REEP4: variants seen among roughly 807,000 people sequenced by gnomAD.
REEP4 encodes the protein receptor accessory protein 4.
A neutral mutation model predicts 33.5 loss-of-function variants in REEP4; 17 were observed. The ratio of observed to expected loss-of-function variants is 0.51; its 90% confidence interval spans 0.35 to 0.76. The LOEUF (loss-of-function observed/expected upper bound fraction) is 0.76. REEP4 is among the 30% of genes least tolerant of loss of function. The pLI is 0.01. For missense variants in REEP4, 340 were observed against 357.9 expected (o/e 0.95, Z 0.40); for synonymous variants, 157 against 142.9 (o/e 1.10, Z -0.70).
intron 2 of REEP4, 132 bp from the exon 3 acceptor site, chr8:22,140,380 G>A (rs1043107038): frequency 1.6e-5 from 16 of 972,616 alleles, no homozygotes; most frequent in Non-Finnish European, 2.6e-5. Flanking sequence ...GGCTGGACAG[G>A]AGCTCTGAGA....
rs200623752 is a variant in REEP4, at chr8:22,140,163, C to G, written c.182+9G>C. 1 of 1,613,848 alleles carries G rather than the reference C, an allele frequency of 6.2e-7. No homozygotes were observed. The highest frequency in any genetic ancestry group is 2.2e-5 in the East Asian group (1 of 44,896). On this transcript the variant is annotated intron_variant, in intron 3 of 7. Coordinates refer to ENST00000306306, the MANE Select transcript of REEP4 (RefSeq NM_025232.4). ...CCTGACCCATGGCTTGCGGACCCTG[C>G]GTCCATACCAGGAGATAAAAATGTC...
intron 2 of REEP4, 24 bp from the exon 3 acceptor site, chr8:22,140,272 C>A: frequency 6.2e-7 from 1 of 1,612,256 alleles, no homozygotes; most frequent in South Asian, 1.1e-5. Flanking sequence ...GCCCAGAGGT[C>A]AGCATGGGGC....
At chr8:22,138,827 C>A in intron 6 of REEP4, 34 bp from the exon 7 acceptor site, 2 of 1,573,184 alleles carry the variant, frequency 1.3e-6, no homozygotes, top group South Asian at 1.2e-5. Context: ...TGAAAGCCTG[C>A]GACCAGGCCA....
At chr8:22,139,583 T>C in intron 4 of REEP4, 54 bp from the exon 5 acceptor site, 2 of 1,396,496 alleles carry the variant, frequency 1.4e-6, no homozygotes. Flanking sequence ...TCCCTCTTCC[T>C]CTGCAGATTC....
chr8:22,138,648 C>G lies in REEP4; in HGVS notation c.699G>C (p.Pro233=). Residue 233 remains proline, a synonymous_variant, in exon 7 of 8, where the codon CCG becomes CCC. Transcript: ENST00000306306. ...GTCCTCCCACACTGACCTCCCGCAC[C>G]GGTGGCTTCCTCTTGACCACACGCA... is the stretch of plus-strand genomic sequence containing the variant. The part of the protein sequence containing the change: ...QSLRVVKRKP[P]VREGTSRSLK... The G allele has an allele frequency of 6.2e-7, 1 of 1,613,918 alleles. No homozygotes were observed. Among genetic ancestry groups the G allele is most frequent in the Non-Finnish European group, 8.5e-7 (1 of 1,180,030 alleles).
chr8:22,138,735 A>G lies in REEP4; in HGVS notation c.612T>C (p.Thr204=). The G allele has an allele frequency of 3.7e-6, 6 of 1,613,036 alleles. No homozygotes were observed. The highest frequency in any genetic ancestry group is 5.1e-6 in the Non-Finnish European group (6 of 1,179,764). Residue 204 remains threonine, a synonymous_variant, in exon 7 of 8, where the codon ACT becomes ACC. Coordinates refer to ENST00000306306, the MANE Select transcript of REEP4 (RefSeq NM_025232.4). ...SDTEDECWSD[T]EAVPRAPARP... Reference sequence around the variant, plus strand: ...GGGCTGGCGCCCGGGGGACTGCCTCAGTATCTGACCAACACTCATCCTCGG... The same window carrying G: ...GGGCTGGCGCCCGGGGGACTGCCTCGGTATCTGACCAACACTCATCCTCGG...
In REEP4 at chr8:22,141,600, T is replaced by G. The variant is rs1827233165; in HGVS notation, c.-118A>C. 1.8e-6 allele frequency: 2 copies of G among 1,099,048 alleles called. No homozygotes were observed. The highest frequency in any genetic ancestry group is 3.3e-5 in the African/African-American group (2 of 61,450). 68.1% of individuals were successfully genotyped at this position (1,099,048 alleles called of 1,614,324 possible). ...GCGGGAAGCAGAGGGGCGATCCGGC[T>G]GTCCCTCGGCGGAGGCAGAGCCCGC... On this transcript the variant is annotated 5_prime_UTR_variant, in exon 1 of 8. Coordinates refer to ENST00000306306, the MANE Select transcript of REEP4 (RefSeq NM_025232.4).
At chr8:22,140,292 C>CA (rs770498055) in intron 2 of REEP4, 44 bp from the exon 3 acceptor site, 1 of 1,595,886 alleles carries the variant, frequency 6.3e-7, no homozygotes, top group Non-Finnish European at 8.6e-7. Flanking sequence ...CCTGCAGCAC[C>CA]AACTCCCAAC....
Position 22,138,552 on chromosome 8 carries a change from C to T in REEP4, c.709G>A (p.Gly237Ser), listed in dbSNP as rs749429080. The T allele has an allele frequency of 1.2e-6, 2 of 1,613,814 alleles. No individual in the cohort carries two copies. Among genetic ancestry groups the T allele is most frequent in the South Asian group, 1.1e-5 (1 of 91,090 alleles). Reference sequence around the variant, plus strand: ...CGAACCTTCAGGGAGCGCGAGGTGCCCTGGGGAAAGGGGAGGCACAGCATG... The same window carrying T: ...CGAACCTTCAGGGAGCGCGAGGTGCTCTGGGGAAAGGGGAGGCACAGCATG... ...VVKRKPPVRE[G>S]TSRSLKVRTR... is the part of the protein sequence containing the mutation. The change falls in exon 8 of 8, where the codon GGC becomes AGC. Residue 237 changes from glycine (G) to serine (S), a missense_variant and splice_region_variant. By Grantham distance (56) the Gly-to-Ser change is moderately conservative. Transcript: ENST00000306306.
At position 22,139,495 on chromosome 8, in the gene REEP4, C is replaced by T. The variant is rs183787695; in HGVS notation, c.338G>A (p.Arg113His). The T allele has an allele frequency of 2.8e-5, 45 of 1,610,678 alleles. No individual in the cohort carries two copies. The Admixed American group carries it at 4.2e-4, about 15-fold the overall frequency. ...IDAYIVQAKE[R>H]SYETVLSFGK... is the part of the protein sequence containing the mutation. ...GAAGCTGAGCACGGTCTCGTAGCTG[C>T]GCTCCTTGGCCTGCACGATGTACGC... is the stretch of plus-strand genomic sequence containing the variant. The change falls in exon 5 of 8, where the codon CGC becomes CAC. Residue 113 changes from arginine to histidine, a missense_variant. Transcript: ENST00000306306.
chr8:22,141,560 G>C lies in REEP4; in HGVS notation c.-78C>G. The C allele has an allele frequency of 6.7e-7, 1 of 1,492,684 alleles. No homozygotes were observed. The highest frequency in any genetic ancestry group is 1.3e-5 in the South Asian group (1 of 78,400). The allele number at this position is 1,492,684 out of a possible 1,614,324, so 92.5% of individuals were successfully genotyped here. A position where few individuals can be genotyped will look rare whatever the true frequency, so the allele number is the denominator to read the frequency against. ...GTTCACTCAAGGGCTGGGACGGGGGGTGATCAGGGCAGTTGCGGGAAGCAG... is the reference window on the plus strand; with the variant it reads ...GTTCACTCAAGGGCTGGGACGGGGGCTGATCAGGGCAGTTGCGGGAAGCAG... On this transcript the variant is annotated 5_prime_UTR_variant, in exon 1 of 8. Coordinates refer to ENST00000306306, the MANE Select transcript of REEP4 (RefSeq NM_025232.4).
In REEP4 at chr8:22,139,046, C is replaced by A. The variant is rs1309850829; in HGVS notation, c.433G>T (p.Ala145Ser). 1 of 1,573,782 alleles carries A rather than the reference C, an allele frequency of 6.4e-7. No homozygotes were observed. The highest frequency in any genetic ancestry group is 1.4e-5 in the African/African-American group (1 of 73,812). Residue 145 changes from alanine (A) to serine (S), a missense_variant, in exon 6 of 8, where the codon GCC (alanine) becomes TCC (serine). Coordinates refer to ENST00000306306, the MANE Select transcript of REEP4 (RefSeq NM_025232.4). ...QAATKSQGAL[A>S]GRLRSFSMQD... ...ATGGAGAAGCTCCGCAGCCTGCCGG[C>A]CAGCGCCCCCTGACTCTGCGAGGGG... is the stretch of plus-strand genomic sequence containing the variant.
intron 5 of REEP4, 92 bp from the exon 6 acceptor site, chr8:22,139,153 G>A (rs985400604): frequency 2.7e-6 from 4 of 1,489,968 alleles, no homozygotes; most frequent in Non-Finnish European, 3.6e-6. Context: ...AGTGAAAACT[G>A]CTCAGCAAGC....
chr8:22,139,580 TC>T, intron 4 of REEP4, 51 bp from the exon 5 acceptor site: 1 of 1,422,908 alleles, frequency 7.0e-7, no homozygotes, highest in Non-Finnish European at 9.7e-7. Flanking sequence ...GAGTCCCTCT[TC>T]CTCTGCAGAT....
At position 22,138,983 on chromosome 8, in the gene REEP4, C is replaced by T; in HGVS notation, c.496G>A (p.Ala166Thr). The T allele has an allele frequency of 6.2e-7, 1 of 1,608,746 alleles. No individual in the cohort carries two copies. The highest frequency in any genetic ancestry group is 8.5e-7 in the Non-Finnish European group (1 of 1,177,906). The change falls in exon 6 of 8, where the codon GCC becomes ACC. Residue 166 changes from alanine to threonine, a missense_variant. Coordinates refer to ENST00000306306, the MANE Select transcript of REEP4 (RefSeq NM_025232.4). ...LRSISDAPAP[A>T]YHDPLYLEDQ... ...TCCAGGTAGAGGGGGTCATGGTAGG[C>T]AGGGGCAGGTGCGTCAGAGATGGAG...
intron 1 of REEP4, among the ~76,000 whole-genome samples, chr8:22,141,224 T>C (rs1214446565): frequency 6.6e-6 from 1 of 152,234 alleles, no homozygotes; most frequent in Non-Finnish European, 1.5e-5. Context: ...GTTTGCAGTG[T>C]GTGTGGCGTG....
intron 6 of REEP4, 22 bp from the exon 7 acceptor site, chr8:22,138,815 G>A: frequency 1.3e-6 from 2 of 1,579,534 alleles, no homozygotes; most frequent in Non-Finnish European, 1.7e-6. Context: ...AGGAGGTGAA[G>A]CTGAAAGCCT....
In REEP4 at chr8:22,139,077, G is replaced by C; in HGVS notation, c.418-16C>G. ...CCCCCTGACTCTGCGAGGGGGAAGA[G>C]GCTTCAGCGGGGAGGCTGCCCAGGG... On this transcript the variant is annotated splice_polypyrimidine_tract_variant and intron_variant, in intron 5 of 7. Transcript: ENST00000306306. 1 of 1,562,808 alleles carries C rather than the reference G, an allele frequency of 6.4e-7. No homozygotes were observed. The highest frequency in any genetic ancestry group is 8.7e-7 in the Non-Finnish European group (1 of 1,155,068).
rs769817363 is a variant in REEP4 at position 22,140,619 on chromosome 8, G to A, written c.105+6C>T. 10 of 1,612,626 alleles carry A rather than the reference G, an allele frequency of 6.2e-6. 1 individual carries two copies. In the South Asian group the frequency reaches 6.6e-5, roughly 11 times the overall value. ...CTATTAAACACACCCAAACCCCCAC[G>A]CTCACATATTCACGAATGTTCTTGG... On this transcript the variant is annotated splice_donor_region_variant and intron_variant, in intron 2 of 7. Transcript: ENST00000306306.
Sources: gnomAD v4.1 joint callset for allele counts (sites outside exome capture counted in the v4.1 genomes callset) on GRCh38, gnomAD v4.1.1 for gene constraint, MANE v1.5 for transcripts, NCBI Gene and HGNC (gene_info 2026-07-23, HGNC 2026-07-21) for gene names.